The following RICTOR variants were observed in gnomAD, a reference collection of about 807,000 sequenced individuals.
RICTOR encodes the protein RPTOR independent companion of MTOR complex 2.
Under a neutral mutation model 214.9 loss-of-function variants are expected in RICTOR, and 49 were observed. The ratio of observed to expected loss-of-function variants is 0.23; its 90% CI spans 0.18 to 0.29. The LOEUF is 0.29. Among genes scored for constraint, RICTOR ranks in the 10% least tolerant of loss-of-function variants. The probability of loss-of-function intolerance (pLI) is 1.00; values close to 1 mark genes in which losing one functional copy is unlikely to be tolerated. For missense variants in RICTOR, 1,625 were observed against 2,047.0 expected, an observed-to-expected ratio of 0.79 and a Z score of 3.98; for synonymous variants, 717 against 711.3, an observed-to-expected ratio of 1.01 and a Z score of -0.13.
Position 38,950,720 on chromosome 5 carries a change from C to A in RICTOR, c.3128G>T (p.Ser1043Ile). The change falls in exon 31 of 38, where the codon AGT becomes ATT. Residue 1043 changes from serine (S) to isoleucine (I), a missense_variant and splice_region_variant. Transcript: ENST00000357387. ...HNSESESVPS[S>I]MFILEDDRFG... ...CCGGTCATCCTCCAATATGAACATA[C>A]CTATGATTGAAGGATCAATTAATAA... 1 of 1,557,214 alleles carries A rather than the reference C, an allele frequency of 6.4e-7. No individual in the cohort carries two copies. Among genetic ancestry groups the A allele is most frequent in the Non-Finnish European group, 8.7e-7 (1 of 1,153,744 alleles).
intron 35 of RICTOR, 71 bp from the exon 36 acceptor site, chr5:38,944,640 A>G (rs887870267): frequency 1.3e-5 from 17 of 1,337,464 alleles, no homozygotes; most frequent in African/African-American, 2.9e-5. Flanking sequence ...CATGAAATTT[A>G]TTTTTAAACT....
intron 36 of RICTOR, chr5:38,944,220 T>C: frequency 1.6e-6 from 1 of 610,298 alleles, no homozygotes; most frequent in Non-Finnish European, 3.1e-6. Flanking sequence ...AAAGTCTGGC[T>C]TAATAGAAGA....
At chr5:38,942,423 A>G in intron 37 of RICTOR, 45 bp from the exon 38 acceptor site, 1 of 1,069,622 alleles carries the variant, frequency 9.3e-7, no homozygotes. Context: ...ATAAAAACAG[A>G]TGATATAACA....
intron 2 of RICTOR, among the ~76,000 whole-genome samples, chr5:39,065,197 T>C (rs904828913): frequency 6.6e-6 from 1 of 152,164 alleles, no homozygotes; most frequent in African/African-American, 2.4e-5. Context: ...AGGAAGCTTT[T>C]ACTCATAGCA....
chr5:38,987,565 T>A (rs542555016), intron 7 of RICTOR, among the ~76,000 whole-genome samples: 1 of 152,230 alleles, frequency 6.6e-6, no homozygotes. Context: ...ATATCCCCTT[T>A]ATCATTTTTT....
At chr5:38,986,360 T>G (rs897092905) in intron 7 of RICTOR, among the ~76,000 whole-genome samples, 3 of 152,042 alleles carry the variant, frequency 2.0e-5, no homozygotes, top group Admixed American at 6.5e-5. Context: ...AATTACCCAG[T>G]CTCAAGGAGT....
At chr5:39,046,287 C>T (rs1164355919) in intron 2 of RICTOR, among the ~76,000 whole-genome samples, 2 of 150,866 alleles carry the variant, frequency 1.3e-5, no homozygotes, top group Non-Finnish European at 1.5e-5. Context: ...TCACTTGAGC[C>T]CAGGTGATTG....
At chr5:39,047,128 G>A (rs777626604) in intron 2 of RICTOR, among the ~76,000 whole-genome samples, 3 of 151,950 alleles carry the variant, frequency 2.0e-5, no homozygotes, top group African/African-American at 2.4e-5. Flanking sequence ...GGACTCCCTG[G>A]AATCTACTCA....
chr5:39,004,358 T>A (rs1481859916), intron 3 of RICTOR, among the ~76,000 whole-genome samples: 1 of 152,208 alleles, frequency 6.6e-6, no homozygotes, highest in African/African-American at 2.4e-5. Context: ...TTAGCTGCTA[T>A]TTTCCTCCAA....
At chr5:38,954,118 G>A (rs1749030479) in intron 27 of RICTOR, among the ~76,000 whole-genome samples, 1 of 151,798 alleles carries the variant, frequency 6.6e-6, no homozygotes, top group Non-Finnish European at 1.5e-5. Context: ...GTGCTCTTGA[G>A]ATGAATACTG....
intron 8 of RICTOR, among the ~76,000 whole-genome samples, chr5:38,980,268 A>G (rs1217693612): frequency 6.6e-6 from 1 of 152,056 alleles, no homozygotes; most frequent in East Asian, 1.9e-4. Flanking sequence ...TCAGTCATAC[A>G]GTCATGTCTT....
chr5:38,994,390 A>C (rs1272517698), intron 6 of RICTOR, among the ~76,000 whole-genome samples: 1 of 145,568 alleles, frequency 6.9e-6, no homozygotes, highest in Non-Finnish European at 1.5e-5. Flanking sequence ...AGGAATACTC[A>C]ACCTGTAGTA....
chr5:39,018,835 A>T (rs560170705), intron 3 of RICTOR, among the ~76,000 whole-genome samples: 1 of 152,278 alleles, frequency 6.6e-6, no homozygotes, highest in South Asian at 2.1e-4. Context: ...TAAATCACAA[A>T]TTAGAGATTG....
At chr5:39,044,459 T>C (rs1757356562) in intron 2 of RICTOR, among the ~76,000 whole-genome samples, 1 of 152,152 alleles carries the variant, frequency 6.6e-6, no homozygotes, top group Admixed American at 6.5e-5. Flanking sequence ...AGGGACTTAC[T>C]ATCTTATGAG....
intron 26 of RICTOR, 89 bp from the exon 27 acceptor site, chr5:38,954,950 A>T (rs539993363): frequency 1.6e-6 from 1 of 619,272 alleles, no homozygotes; most frequent in Admixed American, 2.9e-5. Flanking sequence ...TTTGATAAAT[A>T]AAATTAGATA....
chr5:38,951,176 G>A (rs1748753900), intron 30 of RICTOR, among the ~76,000 whole-genome samples: 1 of 151,750 alleles, frequency 6.6e-6, no homozygotes, highest in Admixed American at 6.6e-5. Context: ...AGAACCAAGT[G>A]GTAACATTAT....
At chr5:38,963,481 A>C (rs1340580235) in intron 16 of RICTOR, among the ~76,000 whole-genome samples, 1 of 151,976 alleles carries the variant, frequency 6.6e-6, no homozygotes, top group Non-Finnish European at 1.5e-5. Context: ...GTATCAACTG[A>C]ACAGTCTCTA....
intron 19 of RICTOR, among the ~76,000 whole-genome samples, chr5:38,961,313 A>T (rs910231345): frequency 1.3e-5 from 2 of 152,158 alleles, no homozygotes; most frequent in South Asian, 4.1e-4. Flanking sequence ...TATTGTATTC[A>T]TGAAGAACTT....
intron 36 of RICTOR, chr5:38,944,190 A>AT (rs1213007798): frequency 3.6e-6 from 2 of 553,044 alleles, no homozygotes; most frequent in Admixed American, 4.4e-5. Flanking sequence ...ATTATTTTAC[A>AT]TTTTTTGCAG....
Sources: allele counts gnomAD v4.1 joint callset (sites outside exome capture counted in the v4.1 genomes callset), GRCh38; gene constraint gnomAD v4.1.1; transcripts MANE v1.5; gene names NCBI Gene and HGNC (gene_info 2026-07-23, HGNC 2026-07-21).